NFASC: variants seen among roughly 807,000 people sequenced by gnomAD.
NFASC encodes neurofascin, also known as neurofascin homolog.
NFASC carries 43 observed loss-of-function variants against 147.5 expected under a neutral mutation model. That is an observed-to-expected ratio of 0.29 (90% CI 0.23 to 0.38). The LOEUF (loss-of-function observed/expected upper bound fraction) is 0.38, where lower values mean the gene tolerates loss of function less well. NFASC is among the 10% of genes least tolerant of loss of function. The pLI, the probability that NFASC is intolerant of heterozygous loss-of-function variation, is 1.00. For missense variants in NFASC, 1,320 were observed against 1,689.0 expected (o/e 0.78, Z 3.83); for synonymous variants, 622 against 665.5 (o/e 0.93, Z 1.01).
chr1:204,840,049 A>G (rs371384452), intron 1 of NFASC, among the ~76,000 whole-genome samples: 5 of 152,154 alleles, frequency 3.3e-5, no homozygotes, highest in African/African-American at 1.2e-4. Context: ...TCTGCCCTTC[A>G]CCATCCTCCA....
intron 1 of NFASC, among the ~76,000 whole-genome samples, chr1:204,889,756 G>T (rs919328585): frequency 2.6e-5 from 4 of 152,198 alleles, no homozygotes; most frequent in African/African-American, 9.7e-5. Flanking sequence ...GAAACAGTCC[G>T]GGAAGGCCAA....
chr1:204,831,487 G>A (rs1672217942), intron 1 of NFASC, among the ~76,000 whole-genome samples: 1 of 151,844 alleles, frequency 6.6e-6, no homozygotes, highest in African/African-American at 2.4e-5. Flanking sequence ...GTGAGAGACA[G>A]GATGCCAAGG....
In NFASC at chr1:204,976,667, G is replaced by C. The variant is rs376436556; in HGVS notation, c.1707-4G>C. ...CTCCCAACCCTTCCTCGGTACCTTTGCAGGATGAAGAAGGAAGACGACTCC... is the reference window on the plus strand; with the variant it reads ...CTCCCAACCCTTCCTCGGTACCTTTCCAGGATGAAGAAGGAAGACGACTCC... On this transcript the variant is annotated splice_region_variant and splice_polypyrimidine_tract_variant and intron_variant, in intron 15 of 29. Coordinates refer to ENST00000339876, the MANE Select transcript of NFASC (RefSeq NM_001005388.3). The C allele has an allele frequency of 3.7e-6, 6 of 1,609,556 alleles. No homozygotes were observed. The highest frequency in any genetic ancestry group is 1.7e-5 in the Admixed American group (1 of 59,868).
intron 3 of NFASC, among the ~76,000 whole-genome samples, chr1:204,946,037 G>A (rs996745031): frequency 6.6e-6 from 1 of 152,122 alleles, no homozygotes; most frequent in African/African-American, 2.4e-5. Context: ...AGGAAACGGA[G>A]ACACAGCAGA....
intron 1 of NFASC, among the ~76,000 whole-genome samples, chr1:204,885,833 C>T (rs921707114): frequency 1.7e-4 from 26 of 152,324 alleles, no homozygotes; most frequent in South Asian, 1.2e-3. Context: ...CCACTCCTGT[C>T]GAAGGGTGAG....
In NFASC at chr1:204,986,171, G is replaced by A. The variant is rs2095610827; in HGVS notation, c.2471-1247G>A. ...GCAGGAGAAGGGTGGCACACACCTT[G>A]GGCCTGGAGAAACTCCAGCGTGGCT... On this transcript the variant is annotated intron_variant, in intron 21 of 29. Coordinates refer to ENST00000339876, the MANE Select transcript of NFASC (RefSeq NM_001005388.3). The surrounding 1 kb of genome is among the most constrained non-coding windows in gnomAD (Gnocchi z 4.2). 3 of 1,357,730 alleles carry A rather than the reference G, an allele frequency of 2.2e-6. No individual in the cohort carries two copies. Among genetic ancestry groups the A allele is most frequent in the Non-Finnish European group, 3.2e-6 (3 of 949,534 alleles). The allele number at this position is 1,357,730 out of a possible 1,614,324, so 84.1% of individuals were successfully genotyped here.
chr1:204,830,012 TGTG>T (rs1671766367), intron 1 of NFASC, among the ~76,000 whole-genome samples: 1 of 133,722 alleles, frequency 7.5e-6, no homozygotes, highest in African/African-American at 2.7e-5. Context: ...ATGGGGTGTG[TGTG>T]TGTGTGTGTG....
chr1:204,927,983 C>T (rs907791436), intron 2 of NFASC, among the ~76,000 whole-genome samples: 1 of 152,174 alleles, frequency 6.6e-6, no homozygotes, highest in Non-Finnish European at 1.5e-5. Flanking sequence ...GTGGTGGGAT[C>T]GGAATTCCTC....
intron 10 of NFASC, among the ~76,000 whole-genome samples, chr1:204,969,428 C>T (rs1223816674): frequency 6.6e-6 from 1 of 152,162 alleles, no homozygotes; most frequent in African/African-American, 2.4e-5. Flanking sequence ...TCACTTCCTT[C>T]CCCCCAAAGC....
intron 1 of NFASC, among the ~76,000 whole-genome samples, chr1:204,886,144 A>G (rs2081269641): frequency 6.6e-6 from 1 of 152,226 alleles, no homozygotes; most frequent in Non-Finnish European, 1.5e-5. Context: ...TTAGTTCCAA[A>G]CAAATGAAGC....
chr1:205,011,206 G>GGCC (rs1574497075), intron 28 of NFASC, among the ~76,000 whole-genome samples: 7 of 92,660 alleles, frequency 7.6e-5, no homozygotes, highest in South Asian at 3.2e-4. Context: ...CCTCCCCCAG[G>GGCC]ACCCCCCCCA....
At position 204,988,637 on chromosome 1, in the gene NFASC, C is replaced by T. The variant is rs760881120; in HGVS notation, c.2598C>T (p.Asn866=). The change falls in exon 23 of 30, where the codon AAC becomes AAT. Residue 866 remains asparagine, a synonymous_variant. Coordinates refer to ENST00000339876, the MANE Select transcript of NFASC (RefSeq NM_001005388.3). ...IGYTLKYVAF[N]GTKVGKQIVE... ...CACTTACCTCTCTCTCCCCAGTTAA[C>T]GGGACCAAAGTAGGAAAGCAGATAG... 46 of 1,613,928 alleles carry T rather than the reference C, an allele frequency of 2.9e-5. No homozygotes were observed. The highest frequency in any genetic ancestry group is 5.0e-5 in the Admixed American group (3 of 60,012).
rs947661341 is a variant in NFASC, at chr1:204,863,773, A to C, written c.-200+34991A>C. ...TGAGCCAGAAGAATTGCTTGAACCC[A>C]GGGGGCAGAGGTTGCAGTGAGCCAA... On this transcript the variant is annotated intron_variant, in intron 1 of 29. Transcript: ENST00000339876. 8.6e-5 allele frequency among the ~76,000 whole-genome samples: 13 copies of C among 150,540 alleles called. No individual in the cohort carries two copies. In the East Asian group the frequency reaches 2.4e-3, roughly 27 times the overall value.
chr1:205,008,155 C>T (rs2096172024), intron 27 of NFASC, among the ~76,000 whole-genome samples: 1 of 152,154 alleles, frequency 6.6e-6, no homozygotes. Flanking sequence ...ACTGGGAAGG[C>T]TGTAAAATCA....
chr1:205,009,733 A>G (rs750552608), intron 28 of NFASC, 45 bp downstream of exon 28: 1 of 1,593,006 alleles, frequency 6.3e-7, no homozygotes, highest in South Asian at 1.1e-5. Flanking sequence ...GGGCACGTCC[A>G]CTTTCCCGTG....
rs989402946 is a variant in NFASC, at chr1:204,836,605, A to G, written c.-200+7823A>G. Among the ~76,000 whole-genome samples, 4 of 152,338 alleles carry G rather than the reference A, an allele frequency of 2.6e-5. No homozygotes were observed. In the South Asian group the frequency reaches 8.3e-4, roughly 32 times the overall value. On this transcript the variant is annotated intron_variant, in intron 1 of 29. Coordinates refer to ENST00000339876, the MANE Select transcript of NFASC (RefSeq NM_001005388.3). ...CTGTCAGGTGTTGGCTGACCTATAT[A>G]AGATAAATTTATATGCAAGACATTG...
intron 1 of NFASC, among the ~76,000 whole-genome samples, chr1:204,895,378 C>T (rs2083195980): frequency 6.6e-6 from 1 of 152,212 alleles, no homozygotes. Flanking sequence ...TTAATTTCTT[C>T]CTTCTCTGAA....
chr1:204,985,880 A>C (rs775152663), intron 21 of NFASC: 6 of 1,521,592 alleles, frequency 3.9e-6, no homozygotes, highest in Middle Eastern at 2.1e-4. Flanking sequence ...TGCCTGCCTG[A>C]CCCCTCACCA....
chr1:204,829,744 C>T (rs1383049802), intron 1 of NFASC, among the ~76,000 whole-genome samples: 1 of 152,176 alleles, frequency 6.6e-6, no homozygotes, highest in Non-Finnish European at 1.5e-5. Context: ...CAGACTCCTC[C>T]TGGGGCTTGG....
Sources: allele counts gnomAD v4.1 joint callset (sites outside exome capture counted in the v4.1 genomes callset), GRCh38; gene constraint gnomAD v4.1.1; non-coding constraint Gnocchi (gnomAD v3.1); transcripts MANE v1.5; gene names NCBI Gene and HGNC (gene_info 2026-07-23, HGNC 2026-07-21).